Variants in MSH3 observed in about 807,000 individuals in gnomAD.
The protein encoded by MSH3 is DNA mismatch repair protein Msh3.
A neutral mutation model predicts 123.3 loss-of-function variants in MSH3; 106 were observed. That is an observed-to-expected ratio of 0.86 (90% CI 0.73 to 1.01). The LOEUF (loss-of-function observed/expected upper bound fraction) is 1.01, where lower values mean the gene tolerates loss of function less well. Ranked by LOEUF, MSH3 falls within the 50% of genes least tolerant of loss-of-function variation. MSH3 has a pLI of 0.00. For missense variants in MSH3, 1,459 were observed against 1,347.6 expected (o/e 1.08, Z -1.29); for synonymous variants, 515 against 481.4 (o/e 1.07, Z -0.91).
In MSH3 at chr5:80,654,731, T is replaced by C; in HGVS notation, c.4T>C (p.Ser2Pro). The C allele has an allele frequency of 6.3e-7, 1 of 1,599,342 alleles. No individual in the cohort carries two copies. The highest frequency in any genetic ancestry group is 1.1e-5 in the South Asian group (1 of 90,208). MSRRKPASGGLA... is the reference protein window; with the variant it reads MPRRKPASGGLA... ...GGGCTGCCATCCTTGCCCTGCCATG[T>C]CTCGCCGGAAGCCTGCGTCGGGCGG... is the stretch of plus-strand genomic sequence containing the variant. Residue 2 changes from serine to proline, a missense_variant, in exon 1 of 24, where the codon TCT (serine) becomes CCT (proline). Physicochemically the swap from Ser to Pro is moderately conservative, Grantham distance 74. Coordinates refer to ENST00000265081, the MANE Select transcript of MSH3 (RefSeq NM_002439.5).
At chr5:80,781,655 A>G (rs978075989) in intron 17 of MSH3, among the ~76,000 whole-genome samples, 2 of 152,004 alleles carry the variant, frequency 1.3e-5, no homozygotes, top group East Asian at 3.9e-4. Flanking sequence ...TTTTGTAGAG[A>G]CAGGGTTTCT....
chr5:80,784,914 C>CA (rs1282189031), intron 17 of MSH3, among the ~76,000 whole-genome samples: 21 of 151,958 alleles, frequency 1.4e-4, no homozygotes, highest in Non-Finnish European at 2.5e-4. Flanking sequence ...TTTCGGTTCA[C>CA]AAAAAACAGA....
chr5:80,862,816 G>A (rs957865089), intron 21 of MSH3, among the ~76,000 whole-genome samples: 1 of 152,062 alleles, frequency 6.6e-6, no homozygotes, highest in African/African-American at 2.4e-5. Flanking sequence ...ACTTTAAAAT[G>A]GTGGAGGTGA....
chr5:80,689,003 A>G (rs1750165649), intron 8 of MSH3, among the ~76,000 whole-genome samples: 1 of 152,222 alleles, frequency 6.6e-6, no homozygotes, highest in East Asian at 1.9e-4. Context: ...AGTGGGTAGC[A>G]TATAGATATG....
At chr5:80,762,927 A>T (rs894624457) in intron 13 of MSH3, among the ~76,000 whole-genome samples, 6 of 150,868 alleles carry the variant, frequency 4.0e-5, no homozygotes, top group South Asian at 2.1e-4. Flanking sequence ...GCTCACTGCA[A>T]CCTCTACCTC....
At chr5:80,808,768 G>A (rs186273130) in intron 19 of MSH3, among the ~76,000 whole-genome samples, 42 of 150,314 alleles carry the variant, frequency 2.8e-4, no homozygotes, top group African/African-American at 1.0e-3. Flanking sequence ...AGCAGTTTCT[G>A]TGTAGTTCAA....
intron 8 of MSH3, among the ~76,000 whole-genome samples, chr5:80,711,759 A>C (rs955667525): frequency 6.6e-5 from 10 of 151,456 alleles, no homozygotes; most frequent in Admixed American, 5.9e-4. Flanking sequence ...GGTTCAAGCG[A>C]TTCTCCTGCC....
chr5:80,668,999 C>G (rs967320925), intron 3 of MSH3, among the ~76,000 whole-genome samples: 2 of 152,210 alleles, frequency 1.3e-5, no homozygotes, highest in Admixed American at 1.3e-4. Flanking sequence ...AGTGGCTGCT[C>G]CAGATGGGCT....
intron 19 of MSH3, among the ~76,000 whole-genome samples, chr5:80,796,848 C>T (rs531087131): frequency 6.6e-6 from 1 of 152,172 alleles, no homozygotes; most frequent in South Asian, 2.1e-4. Flanking sequence ...CTGGAGCTCC[C>T]TCCTCCACCC....
At chr5:80,807,305 T>C (rs1173302094) in intron 19 of MSH3, among the ~76,000 whole-genome samples, 1 of 151,892 alleles carries the variant, frequency 6.6e-6, no homozygotes, top group Non-Finnish European at 1.5e-5. Context: ...TAAATTCCTA[T>C]GTCATATTTC....
intron 17 of MSH3, among the ~76,000 whole-genome samples, chr5:80,786,123 C>A (rs556954433): frequency 3.3e-5 from 5 of 151,188 alleles, no homozygotes; most frequent in Admixed American, 6.6e-5. Flanking sequence ...GCACATGTAC[C>A]CTAAAACTTA....
At position 80,654,891 on chromosome 5, in the gene MSH3, C is replaced by G; in HGVS notation, c.164C>G (p.Ala55Gly). The change falls in exon 1 of 24, where the codon GCA becomes GGA. Residue 55 changes from alanine (A) to glycine (G), a missense_variant. Ala to Gly is a moderately conservative substitution (Grantham distance 60, BLOSUM62 0). Transcript: ENST00000265081. ...DQVDPGAAAA[A>G]AAAAAAAPPA... The stretch of plus-strand genomic sequence containing the variant: ...GTGGACCCTGGCGCTGCAGCGGCTG[C>G]AGCGGCCGCAGCGGCCGCAGCGCCC... 1 of 818,316 alleles carries G rather than the reference C, an allele frequency of 1.2e-6. No individual in the cohort carries two copies. Among genetic ancestry groups the G allele is most frequent in the Non-Finnish European group, 1.7e-6 (1 of 599,958 alleles). The allele number at this position is 818,316 out of a possible 1,614,324, so 50.7% of individuals were successfully genotyped here. A position where few individuals can be genotyped will look rare whatever the true frequency, so the allele number is the denominator to read the frequency against.
At chr5:80,760,761 T>TG (rs1465544853) in intron 12 of MSH3, among the ~76,000 whole-genome samples, 1 of 152,206 alleles carries the variant, frequency 6.6e-6, no homozygotes, top group Non-Finnish European at 1.5e-5. Context: ...CTCAGGCTGA[T>TG]GGAGTTACCA....
chr5:80,868,264 C>T (rs1305804483), intron 22 of MSH3, among the ~76,000 whole-genome samples: 2 of 152,024 alleles, frequency 1.3e-5, no homozygotes, highest in African/African-American at 4.8e-5. Flanking sequence ...AATCCTGTTA[C>T]TGGGTATATA....
intron 21 of MSH3, among the ~76,000 whole-genome samples, chr5:80,860,967 A>G (rs1561502329): frequency 6.6e-6 from 1 of 152,112 alleles, no homozygotes; most frequent in African/African-American, 2.4e-5. Flanking sequence ...CATCAAACAC[A>G]TTCTTCATTT....
rs546458800 is a variant in MSH3, at chr5:80,715,703, G to A, written c.1341-9750G>A. Among the ~76,000 whole-genome samples, 341 of 152,204 alleles carry A rather than the reference G, an allele frequency of 2.2e-3. 2 individuals carry two copies. In the Middle Eastern group the frequency reaches 0.024, roughly 11 times the overall value. On this transcript the variant is annotated intron_variant, in intron 8 of 23. Transcript: ENST00000265081. ...CTTACAGTCGTGGCAGAAGGTGAAG[G>A]GGAAGCAGGCAAGTCCTACATGGCT... is the stretch of plus-strand genomic sequence containing the variant.
chr5:80,794,252 G>C lies in MSH3; in HGVS notation c.2655+1408G>C, dbSNP rs570022297. On this transcript the variant is annotated intron_variant, in intron 19 of 23. Coordinates refer to ENST00000265081, the MANE Select transcript of MSH3 (RefSeq NM_002439.5). Reference sequence around the variant, plus strand: ...GCTGCCTGTCACCAAATTTTGGCTGGAATGGCGAATCCTGGCAGCACTGAG... The same window carrying C: ...GCTGCCTGTCACCAAATTTTGGCTGCAATGGCGAATCCTGGCAGCACTGAG... Among the ~76,000 whole-genome samples, 9 of 152,308 alleles carry C rather than the reference G, an allele frequency of 5.9e-5. No homozygotes were observed. The South Asian group carries it at 1.9e-3, about 32-fold the overall frequency.
chr5:80,805,587 C>T (rs893608792), intron 19 of MSH3, among the ~76,000 whole-genome samples: 2 of 81,240 alleles, frequency 2.5e-5, no homozygotes, highest in African/African-American at 5.3e-5. Context: ...TGCCCCCCCC[C>T]CCTACCTTTT....
In MSH3 at chr5:80,804,231, G is replaced by C. The variant is rs1026406756; in HGVS notation, c.2656-9353G>C. 2.0e-5 allele frequency among the ~76,000 whole-genome samples: 3 copies of C among 152,072 alleles called. No homozygotes were observed. In the South Asian group the frequency reaches 6.2e-4, roughly 32 times the overall value. ...TTTTGTGTGTCCTCTTTAATTTTTT[G>C]CATTAGTTTATGTAGAGCCCTGGGA... On this transcript the variant is annotated intron_variant, in intron 19 of 23. Transcript: ENST00000265081.
Sources: allele counts gnomAD v4.1 joint callset (sites outside exome capture counted in the v4.1 genomes callset), GRCh38; gene constraint gnomAD v4.1.1; transcripts MANE v1.5; gene names NCBI Gene and HGNC (gene_info 2026-07-23, HGNC 2026-07-21).